DNER: variants seen among roughly 807,000 people sequenced by gnomAD.
DNER encodes the protein delta/notch like EGF repeat containing, also known as delta and Notch-like epidermal growth factor-related receptor.
DNER carries 33 observed loss-of-function variants against 78.2 expected under a neutral mutation model. That is an observed-to-expected ratio of 0.42 (90% CI 0.32 to 0.56). DNER has a LOEUF of 0.56. Among genes scored for constraint, DNER ranks in the 20% least tolerant of loss-of-function variants. The pLI is 0.11. For missense variants in DNER, 918 were observed against 975.3 expected (o/e 0.94, Z 0.78); for synonymous variants, 417 against 384.8 (o/e 1.08, Z -0.98).
At chr2:229,612,464 C>T (rs1290625851) in intron 1 of DNER, among the ~76,000 whole-genome samples, 1 of 152,208 alleles carries the variant, frequency 6.6e-6, no homozygotes, top group Non-Finnish European at 1.5e-5. Context: ...AGTAAAGATG[C>T]CTCAGGTGAG....
chr2:229,451,434 G>T (rs1298878585), intron 7 of DNER, among the ~76,000 whole-genome samples: 1 of 152,220 alleles, frequency 6.6e-6, no homozygotes, highest in Non-Finnish European at 1.5e-5. Flanking sequence ...TACAGGCTGG[G>T]TGACAGAGCA....
chr2:229,535,471 T>C (rs1011132750), intron 5 of DNER, among the ~76,000 whole-genome samples: 3 of 152,142 alleles, frequency 2.0e-5, no homozygotes, highest in African/African-American at 7.2e-5. Flanking sequence ...AGCCTCCAAA[T>C]CCAACCCTGC....
chr2:229,707,117 GA>G (rs1488205001), intron 1 of DNER, among the ~76,000 whole-genome samples: 1 of 150,594 alleles, frequency 6.6e-6, no homozygotes, highest in Non-Finnish European at 1.5e-5. Flanking sequence ...GGATTCAAGT[GA>G]TTCTCCTGCC....
intron 4 of DNER, among the ~76,000 whole-genome samples, chr2:229,557,009 A>G (rs1696866322): frequency 6.6e-6 from 1 of 152,202 alleles, no homozygotes. Flanking sequence ...ATGAAAAGCA[A>G]TACTGTCCGG....
intron 8 of DNER, among the ~76,000 whole-genome samples, chr2:229,429,936 C>G (rs1341780976): frequency 1.3e-5 from 2 of 152,188 alleles, no homozygotes; most frequent in African/African-American, 4.8e-5. Flanking sequence ...TGATTCCAAA[C>G]TCTGCATTTT....
chr2:229,670,458 A>C (rs1368417995), intron 1 of DNER, among the ~76,000 whole-genome samples: 1 of 152,228 alleles, frequency 6.6e-6, no homozygotes, highest in African/African-American at 2.4e-5. Flanking sequence ...GGGGAAATAC[A>C]TCAGGAGCAT....
intron 5 of DNER, among the ~76,000 whole-genome samples, chr2:229,539,914 C>A (rs554769242): frequency 6.6e-6 from 1 of 152,194 alleles, no homozygotes; most frequent in African/African-American, 2.4e-5. Flanking sequence ...CCTGTCCCTG[C>A]GGCCTTGTAA....
At position 229,358,631 on chromosome 2, in the gene DNER, G is replaced by T. The variant is rs1559329663; in HGVS notation, c.2123C>A (p.Pro708His). ...RHARFGKKSR[P>H]AMYDVSPIAY... is the part of the protein sequence containing the mutation. ...GATGGGGCTCACATCATACATTGCA[G>T]GCCGGGATTTCTTTCCAAACCTGAA... Residue 708 changes from proline to histidine, a missense_variant, in exon 13 of 13, where the codon CCT becomes CAT. Coordinates refer to ENST00000341772, the MANE Select transcript of DNER (RefSeq NM_139072.4). The T allele has an allele frequency of 6.2e-7, 1 of 1,613,660 alleles. No homozygotes were observed. Among genetic ancestry groups the T allele is most frequent in the Admixed American group, 1.7e-5 (1 of 60,000 alleles).
intron 11 of DNER, 53 bp from the exon 12 acceptor site, chr2:229,367,172 GAGA>G: frequency 6.2e-7 from 1 of 1,606,004 alleles, no homozygotes; most frequent in Non-Finnish European, 8.5e-7. Context: ...CTTTGAGAAT[GAGA>G]AGGCCTTTTT....
chr2:229,626,736 A>G (rs190841742), intron 1 of DNER, among the ~76,000 whole-genome samples: 227 of 152,370 alleles, frequency 1.5e-3, no homozygotes, highest in African/African-American at 5.1e-3. Flanking sequence ...TAAAGTCTGG[A>G]CTTGTTTAAA....
At chr2:229,391,343 C>A (rs932468546) in intron 10 of DNER, among the ~76,000 whole-genome samples, 5 of 152,090 alleles carry the variant, frequency 3.3e-5, no homozygotes, top group African/African-American at 9.7e-5. Context: ...ACTAATAAAT[C>A]TTTAAGCTTT....
chr2:229,530,906 C>T (rs1326300714), intron 5 of DNER, among the ~76,000 whole-genome samples: 1 of 152,118 alleles, frequency 6.6e-6, no homozygotes, highest in East Asian at 1.9e-4. Context: ...ATTATTCTTG[C>T]AGTACAAGGA....
At chr2:229,538,469 A>C (rs1351949898) in intron 5 of DNER, among the ~76,000 whole-genome samples, 1 of 152,076 alleles carries the variant, frequency 6.6e-6, no homozygotes, top group East Asian at 1.9e-4. Context: ...GGTTCAAGCA[A>C]TTATCCTGCC....
At chr2:229,504,847 T>G (rs1485788142) in intron 6 of DNER, among the ~76,000 whole-genome samples, 1 of 152,232 alleles carries the variant, frequency 6.6e-6, no homozygotes, top group Non-Finnish European at 1.5e-5. Context: ...TGGCATGGCA[T>G]GGACAAGACG....
Position 229,653,495 on chromosome 2 carries a change from TC to T in DNER, c.276+60652del, listed in dbSNP as rs370226122. On this transcript the variant is annotated intron_variant, in intron 1 of 12. Coordinates refer to ENST00000341772, the MANE Select transcript of DNER (RefSeq NM_139072.4). ...ATTCTTCACTCTACAGTTTTTCTTCTCAGTGGATGGCCAGCATCTTCAGCTC... is the reference window on the plus strand; with the variant it reads ...ATTCTTCACTCTACAGTTTTTCTTCTAGTGGATGGCCAGCATCTTCAGCTC... 4.7e-3 allele frequency among the ~76,000 whole-genome samples: 712 copies of T among 152,338 alleles called. 6 individuals carry two copies. The highest frequency in any genetic ancestry group is 0.016 in the African/African-American group (660 of 41,574).
intron 8 of DNER, among the ~76,000 whole-genome samples, chr2:229,442,073 G>A (rs1188012851): frequency 6.6e-6 from 1 of 152,120 alleles, no homozygotes; most frequent in African/African-American, 2.4e-5. Context: ...ATGGTGAGGT[G>A]GGCATCATAT....
intron 6 of DNER, among the ~76,000 whole-genome samples, chr2:229,502,984 G>T (rs1695652251): frequency 6.6e-6 from 1 of 152,188 alleles, no homozygotes; most frequent in Non-Finnish European, 1.5e-5. Flanking sequence ...GGTAGAGAGT[G>T]CACTGGTAAT....
chr2:229,502,619 G>A (rs1012010457), intron 6 of DNER, among the ~76,000 whole-genome samples: 7 of 152,064 alleles, frequency 4.6e-5, no homozygotes, highest in Admixed American at 2.6e-4. Flanking sequence ...GAAAATGCTC[G>A]GAGTGCCATA....
At chr2:229,546,694 C>T (rs1226256780) in intron 5 of DNER, among the ~76,000 whole-genome samples, 2 of 152,176 alleles carry the variant, frequency 1.3e-5, no homozygotes, top group Non-Finnish European at 2.9e-5. Context: ...CGAGATCACA[C>T]CACTGCACTC....
Sources: allele counts gnomAD v4.1 joint callset (sites outside exome capture counted in the v4.1 genomes callset), GRCh38; gene constraint gnomAD v4.1.1; transcripts MANE v1.5; gene names NCBI Gene and HGNC (gene_info 2026-07-23, HGNC 2026-07-21).